Variants in CACNA2D3 observed in about 807,000 individuals in gnomAD.
CACNA2D3 encodes the protein calcium voltage-gated channel auxiliary subunit alpha2delta 3.
Under a neutral mutation model 160.6 loss-of-function variants are expected in CACNA2D3, and 60 were observed. The observed-to-expected ratio is 0.37, with a 90% CI of 0.30 to 0.46. The LOEUF is 0.46. Ranked by LOEUF, CACNA2D3 falls within the 20% of genes least tolerant of loss-of-function variation. CACNA2D3 has a pLI of 1.00. For missense variants in CACNA2D3, 1,205 were observed against 1,365.0 expected (o/e 0.88, Z 1.85); for synonymous variants, 558 against 492.9 (o/e 1.13, Z -1.75).
chr3:54,254,513 T>C (rs531517453), intron 2 of CACNA2D3, among the ~76,000 whole-genome samples: 1 of 152,332 alleles, frequency 6.6e-6, no homozygotes, highest in East Asian at 1.9e-4. Flanking sequence ...TGCCTGCCTG[T>C]ATTGATGGGT....
chr3:54,280,584 G>T (rs937080298), intron 2 of CACNA2D3, among the ~76,000 whole-genome samples: 2 of 152,072 alleles, frequency 1.3e-5, no homozygotes, highest in African/African-American at 4.8e-5. Flanking sequence ...AGGCCTCAGG[G>T]AGGAGGTGAC....
intron 13 of CACNA2D3, among the ~76,000 whole-genome samples, chr3:54,803,471 T>C (rs918430732): frequency 3.3e-5 from 5 of 151,952 alleles, no homozygotes; most frequent in African/African-American, 1.2e-4. Flanking sequence ...TGATGGAAGA[T>C]GAAATGAATG....
At chr3:54,915,273 C>T (rs1700637070) in intron 27 of CACNA2D3, among the ~76,000 whole-genome samples, 1 of 152,196 alleles carries the variant, frequency 6.6e-6, no homozygotes, top group Non-Finnish European at 1.5e-5. Context: ...AGAGTACATT[C>T]TTCATGCCCC....
intron 4 of CACNA2D3, among the ~76,000 whole-genome samples, chr3:54,414,138 A>G (rs1156728363): frequency 1.3e-5 from 2 of 152,036 alleles, no homozygotes; most frequent in Non-Finnish European, 2.9e-5. Context: ...ATGATATACT[A>G]CATAGCAGGG....
At chr3:54,669,900 C>T (rs910240448) in intron 11 of CACNA2D3, among the ~76,000 whole-genome samples, 1 of 152,092 alleles carries the variant, frequency 6.6e-6, no homozygotes, top group African/African-American at 2.4e-5. Flanking sequence ...CTACCCTCCT[C>T]AGCCTCCCAA....
At chr3:54,997,359 A>T (rs560441986) in intron 31 of CACNA2D3, among the ~76,000 whole-genome samples, 3 of 152,172 alleles carry the variant, frequency 2.0e-5, no homozygotes, top group East Asian at 1.9e-4. Context: ...ACCCCAGACT[A>T]ATGAAATATT....
rs752731851 is a variant in CACNA2D3 at position 54,123,509 on chromosome 3, G to A, written c.123-4G>A. The A allele has an allele frequency of 1.1e-5, 17 of 1,610,272 alleles. No individual in the cohort carries two copies. The highest frequency in any genetic ancestry group is 8.0e-5 in the African/African-American group (6 of 74,844). On this transcript the variant is annotated splice_polypyrimidine_tract_variant and splice_region_variant and intron_variant, in intron 1 of 37. Coordinates refer to ENST00000474759, the MANE Select transcript of CACNA2D3 (RefSeq NM_018398.3). ...ATATCTTCCTGTGCCCCTTCTCCCT[G>A]TAGGGTGAAGCTCTGGGCCTCGGCT...
chr3:54,642,220 A>G lies in CACNA2D3; in HGVS notation c.1146A>G (p.Lys382=), dbSNP rs1448847503. 3 of 1,611,638 alleles carry G rather than the reference A, an allele frequency of 1.9e-6. No homozygotes were observed. Among genetic ancestry groups the G allele is most frequent in the Admixed American group, 1.7e-5 (1 of 59,784 alleles). ...ACACCTATGATACAATCTTTGCAAA[A>G]TACAATTGGCCAGATCGAAAGGTAA... ...AVDTYDTIFA[K]YNWPDRKVRI... Residue 382 remains lysine, a synonymous_variant, in exon 11 of 38, where the codon AAA becomes AAG. Coordinates refer to ENST00000474759, the MANE Select transcript of CACNA2D3 (RefSeq NM_018398.3).
chr3:54,681,603 A>G (rs1008655793), intron 11 of CACNA2D3, among the ~76,000 whole-genome samples: 1 of 151,888 alleles, frequency 6.6e-6, no homozygotes, highest in Non-Finnish European at 1.5e-5. Context: ...AGAGGTGGAC[A>G]TGATGACATA....
At chr3:54,253,280 T>C (rs1188949656) in intron 2 of CACNA2D3, among the ~76,000 whole-genome samples, 1 of 152,166 alleles carries the variant, frequency 6.6e-6, no homozygotes, top group Non-Finnish European at 1.5e-5. Flanking sequence ...CTGGGTAATT[T>C]ATGAAGAAAA....
chr3:55,041,103 G>A (rs1423858197), intron 35 of CACNA2D3, among the ~76,000 whole-genome samples: 1 of 152,092 alleles, frequency 6.6e-6, no homozygotes, highest in East Asian at 1.9e-4. Context: ...TTTTGGAAAT[G>A]AGATTTCCCT....
intron 2 of CACNA2D3, among the ~76,000 whole-genome samples, chr3:54,139,823 G>A (rs1576952424): frequency 2.6e-5 from 4 of 152,198 alleles, no homozygotes; most frequent in Admixed American, 2.6e-4. Flanking sequence ...GCAGGGAGGA[G>A]AGCTGAGTTC....
At chr3:54,836,079 T>G (rs1486692896) in intron 14 of CACNA2D3, among the ~76,000 whole-genome samples, 1 of 152,128 alleles carries the variant, frequency 6.6e-6, no homozygotes, top group Non-Finnish European at 1.5e-5. Context: ...CCCTATTTGT[T>G]TGGGACAGAG....
At position 54,911,351 on chromosome 3, in the gene CACNA2D3, C is replaced by CTTTTTTTTTTTT. The variant is rs58289082; in HGVS notation, c.2449+11494_2449+11505dup. 9.3e-3 allele frequency among the ~76,000 whole-genome samples: 543 copies of CTTTTTTTTTTTT among 58,570 alleles called. 112 individuals carry two copies. Among genetic ancestry groups the CTTTTTTTTTTTT allele is most frequent in the African/African-American group, 0.044 (499 of 11,300 alleles). The allele number at this position is 58,570 out of a possible 152,430, so 38.4% of individuals were successfully genotyped here. On this transcript the variant is annotated intron_variant, in intron 27 of 37. Coordinates refer to ENST00000474759, the MANE Select transcript of CACNA2D3 (RefSeq NM_018398.3). ...CCTCCTCCCCCTCCTTCTTTGTCGT[C>CTTTTTTTTTTTT]TTTTTTTTTTTTTTTTTTTTTTAAA...
intron 4 of CACNA2D3, among the ~76,000 whole-genome samples, chr3:54,431,505 G>C (rs1184863029): frequency 6.6e-6 from 1 of 152,090 alleles, no homozygotes; most frequent in African/African-American, 2.4e-5. Context: ...GTGTGGCAGA[G>C]GTGGAAGAAA....
intron 4 of CACNA2D3, among the ~76,000 whole-genome samples, chr3:54,402,182 A>G (rs1431217631): frequency 1.3e-5 from 2 of 152,182 alleles, no homozygotes; most frequent in Non-Finnish European, 2.9e-5. Context: ...GAAACTTACT[A>G]GATTACAAAG....
intron 4 of CACNA2D3, among the ~76,000 whole-genome samples, chr3:54,412,610 C>CTTTTTTTTTTTTTTTTTTTTTTT (rs774491527): frequency 6.6e-5 from 8 of 120,600 alleles, no homozygotes; most frequent in Non-Finnish European, 1.2e-4. Flanking sequence ...TGGTCTTGTT[C>CTTTTTTTTTTTTTTTTTTTTTTT]TTTTTTTTTT....
intron 35 of CACNA2D3, among the ~76,000 whole-genome samples, chr3:55,043,821 G>A (rs1055886176): frequency 2.0e-5 from 3 of 152,156 alleles, no homozygotes; most frequent in African/African-American, 7.2e-5. Flanking sequence ...TATACATGGT[G>A]TGATTTAGCA....
At chr3:54,658,207 G>C (rs1414062591) in intron 11 of CACNA2D3, among the ~76,000 whole-genome samples, 2 of 152,176 alleles carry the variant, frequency 1.3e-5, no homozygotes, top group Non-Finnish European at 2.9e-5. Flanking sequence ...CAAGAAGTGG[G>C]ATTGCTGGAT....
Sources: gnomAD v4.1 joint callset for allele counts (sites outside exome capture counted in the v4.1 genomes callset) on GRCh38, gnomAD v4.1.1 for gene constraint, MANE v1.5 for transcripts, NCBI Gene and HGNC (gene_info 2026-07-23, HGNC 2026-07-21) for gene names.